The following DYM variants were observed in gnomAD, a reference collection of about 807,000 sequenced individuals.
DYM encodes dymeclin, also known as dyggve-Melchior-Clausen syndrome protein.
Under a neutral mutation model 93.1 loss-of-function variants are expected in DYM, and 78 were observed. The observed-to-expected ratio is 0.84, with a 90% confidence interval of 0.70 to 1.01. DYM has a LOEUF of 1.01. Among genes scored for constraint, DYM ranks in the 50% least tolerant of loss-of-function variants. DYM has a pLI of 0.00. For synonymous variants in DYM, 321 were observed against 319.7 expected, an observed-to-expected ratio of 1.00 and a Z score of -0.04; for missense variants, 789 against 845.0, an observed-to-expected ratio of 0.93 and a Z score of 0.82.
chr18:49,376,249 C>T (rs2067499002), intron 5 of DYM, among the ~76,000 whole-genome samples: 1 of 152,180 alleles, frequency 6.6e-6, no homozygotes, highest in Non-Finnish European at 1.5e-5. Context: ...CTGCAACCAG[C>T]CAACTATGTC....
intron 14 of DYM, among the ~76,000 whole-genome samples, chr18:49,200,961 T>G (rs528052822): frequency 6.6e-5 from 10 of 152,312 alleles, no homozygotes; most frequent in Non-Finnish European, 1.3e-4. Flanking sequence ...GAATCGCCAT[T>G]CTTTGTATTG....
chr18:49,113,080 A>G (rs1464100438), intron 16 of DYM, among the ~76,000 whole-genome samples: 2 of 152,030 alleles, frequency 1.3e-5, no homozygotes, highest in Non-Finnish European at 2.9e-5. Context: ...TTTATATTGC[A>G]TTGGTTTTTG....
At chr18:49,157,347 T>C (rs1002287712) in intron 15 of DYM, among the ~76,000 whole-genome samples, 1 of 152,190 alleles carries the variant, frequency 6.6e-6, no homozygotes, top group Non-Finnish European at 1.5e-5. Flanking sequence ...GGTCCCAGAC[T>C]GTCTCTCCCA....
At chr18:49,371,397 C>G (rs1658180067) in intron 5 of DYM, among the ~76,000 whole-genome samples, 1 of 152,094 alleles carries the variant, frequency 6.6e-6, no homozygotes, top group Admixed American at 6.6e-5. Context: ...CCTAGCTATT[C>G]AGGAGGCTGA....
intron 4 of DYM, 146 bp from the exon 5 acceptor site, chr18:49,378,846 C>T (rs2067767683): frequency 1.3e-6 from 1 of 749,640 alleles, no homozygotes; most frequent in Non-Finnish European, 2.2e-6. Flanking sequence ...TTTAATGGCT[C>T]ATGATTTATT....
chr18:49,331,024 T>G (rs557356204), intron 8 of DYM, among the ~76,000 whole-genome samples: 2 of 152,360 alleles, frequency 1.3e-5, no homozygotes, highest in Admixed American at 6.5e-5. Context: ...GTTATCACAG[T>G]GCTACCTTTT....
At chr18:49,375,138 G>A (rs1310947141) in intron 5 of DYM, among the ~76,000 whole-genome samples, 1 of 151,100 alleles carries the variant, frequency 6.6e-6, no homozygotes, top group Admixed American at 6.6e-5. Context: ...AATACTCGTG[G>A]GGCAGCCCCT....
intron 3 of DYM, chr18:49,390,695 C>T (rs12454070): frequency 0.091 from 13,874 of 152,022 alleles, 861 homozygotes; most frequent in East Asian, 0.31. Flanking sequence ...TTAGTAGTGA[C>T]GGGGTTTCAC....
chr18:49,359,700 T>C (rs1408344287), intron 6 of DYM: 1 of 152,238 alleles, frequency 6.6e-6, no homozygotes, highest in East Asian at 1.9e-4. Context: ...TTACGCTAGT[T>C]TGAATTACCC....
chr18:49,343,289 A>T (rs2147042897), intron 6 of DYM, among the ~76,000 whole-genome samples: 1 of 152,138 alleles, frequency 6.6e-6, no homozygotes, highest in Middle Eastern at 3.4e-3. Flanking sequence ...TACCCTCCCC[A>T]TCCTTGCTCA....
At chr18:49,146,549 T>A (rs1600128327) in intron 15 of DYM, among the ~76,000 whole-genome samples, 1 of 152,014 alleles carries the variant, frequency 6.6e-6, no homozygotes, top group Non-Finnish European at 1.5e-5. Flanking sequence ...TATACACCAA[T>A]AACAGACAAA....
chr18:49,081,277 G>A (rs1162356024), intron 17 of DYM, among the ~76,000 whole-genome samples: 15 of 150,950 alleles, frequency 9.9e-5, no homozygotes, highest in South Asian at 2.1e-4. Context: ...CGAGGCTGGC[G>A]GATCACTCAT....
chr18:49,325,355 AC>A (rs1234000825), intron 8 of DYM, among the ~76,000 whole-genome samples: 11 of 152,162 alleles, frequency 7.2e-5, no homozygotes, highest in Non-Finnish European at 1.2e-4. Context: ...AGTTACATTC[AC>A]TTTTGTTGTT....
At chr18:49,358,185 T>C (rs994325362) in intron 6 of DYM, among the ~76,000 whole-genome samples, 5 of 151,910 alleles carry the variant, frequency 3.3e-5, no homozygotes. Flanking sequence ...AAATAACACA[T>C]GAAAAAAGAC....
At chr18:49,218,462 GCAC>G (rs1458758842) in intron 13 of DYM, among the ~76,000 whole-genome samples, 4 of 152,062 alleles carry the variant, frequency 2.6e-5, no homozygotes, top group Non-Finnish European at 4.4e-5. Context: ...ATTTTTTTCA[GCAC>G]CACACCACAC....
At chr18:49,129,477 G>A (rs2083176115) in intron 15 of DYM, among the ~76,000 whole-genome samples, 1 of 152,152 alleles carries the variant, frequency 6.6e-6, no homozygotes, top group African/African-American at 2.4e-5. Flanking sequence ...AGGAAAGAAG[G>A]AACACAAACA....
intron 5 of DYM, among the ~76,000 whole-genome samples, chr18:49,374,590 A>C (rs1472043474): frequency 2.0e-5 from 3 of 152,234 alleles, no homozygotes; most frequent in African/African-American, 7.2e-5. Context: ...TAAAAATATT[A>C]GGATGGTTCA....
intron 2 of DYM, among the ~76,000 whole-genome samples, chr18:49,392,448 T>C (rs1194574804): frequency 1.3e-5 from 2 of 151,972 alleles, no homozygotes; most frequent in Admixed American, 1.3e-4. Flanking sequence ...AAATCACATA[T>C]CTGATAAGAG....
At chr18:49,258,837 CACAGAGAGAGAGAGAGAGAGAGAG>C (rs2094440077) in intron 11 of DYM, among the ~76,000 whole-genome samples, 3 of 138,140 alleles carry the variant, frequency 2.2e-5, no homozygotes, top group Middle Eastern at 3.5e-3. Flanking sequence ...CACACACACA[CACAGAGAGAGAGAGAGAGAGAGAG>C]AGAGAGAGAG....
Sources: allele counts gnomAD v4.1 joint callset (sites outside exome capture counted in the v4.1 genomes callset), GRCh38; gene constraint gnomAD v4.1.1; transcripts MANE v1.5; gene names NCBI Gene and HGNC (gene_info 2026-07-23, HGNC 2026-07-21).